The following KCND3 variants were observed in gnomAD, a reference collection of about 807,000 sequenced individuals.
KCND3 encodes potassium voltage-gated channel subfamily D member 3, also known as A-type voltage-gated potassium channel KCND3.
A neutral mutation model predicts 51.1 loss-of-function variants in KCND3; 9 were observed. The ratio of observed to expected loss-of-function variants is 0.18; its 90% confidence interval spans 0.11 to 0.31. The LOEUF is 0.31. Ranked by LOEUF, KCND3 falls within the 10% of genes least tolerant of loss-of-function variation. The pLI is 1.00. For synonymous variants in KCND3, 349 were observed against 368.0 expected, an observed-to-expected ratio of 0.95 and a Z score of 0.59; for missense variants, 526 against 903.8, an observed-to-expected ratio of 0.58 and a Z score of 5.36.
chr1:111,793,023 C>A (rs187392017), intron 2 of KCND3, among the ~76,000 whole-genome samples: 50 of 151,522 alleles, frequency 3.3e-4, no homozygotes, highest in African/African-American at 9.7e-4. Flanking sequence ...GTGGTTGCCA[C>A]CATGCCCAGC....
At chr1:111,947,961 G>C (rs1241258762) in intron 2 of KCND3, among the ~76,000 whole-genome samples, 1 of 152,202 alleles carries the variant, frequency 6.6e-6, no homozygotes, top group African/African-American at 2.4e-5. Flanking sequence ...AGGAGGGTCA[G>C]GTAAGCAGTC....
intron 2 of KCND3, among the ~76,000 whole-genome samples, chr1:111,838,249 G>T (rs1667158500): frequency 6.6e-6 from 1 of 152,118 alleles, no homozygotes; most frequent in Non-Finnish European, 1.5e-5. Flanking sequence ...CTTTATTCAG[G>T]GTAAACCTAT....
At chr1:111,894,385 AC>A (rs1362967167) in intron 2 of KCND3, among the ~76,000 whole-genome samples, 1 of 151,932 alleles carries the variant, frequency 6.6e-6, no homozygotes, top group Non-Finnish European at 1.5e-5. Context: ...TTTCCTCATA[AC>A]CCTGGTTTAA....
Position 111,975,481 on chromosome 1 carries a change from T to G in KCND3, c.1106+6140A>C, listed in dbSNP as rs144490279. Among the ~76,000 whole-genome samples the G allele has an allele frequency of 1.7e-3, 264 of 152,260 alleles. 1 individual carries two copies. The highest frequency in any genetic ancestry group is 6.2e-3 in the African/African-American group (258 of 41,564). On this transcript the variant is annotated intron_variant, in intron 2 of 7. Transcript: ENST00000302127. ...CCTCTACATTCAAATACACGCAGAA[T>G]TGCTTACTTCTCCCATCTCCACTGC...
At chr1:111,816,463 C>T (rs188409504) in intron 2 of KCND3, among the ~76,000 whole-genome samples, 10 of 152,350 alleles carry the variant, frequency 6.6e-5, no homozygotes, top group Admixed American at 6.5e-4. Context: ...AAGAATAAAC[C>T]TGGTTCTTTC....
chr1:111,843,905 A>G (rs1234420033), intron 2 of KCND3, among the ~76,000 whole-genome samples: 1 of 152,136 alleles, frequency 6.6e-6, no homozygotes, highest in Non-Finnish European at 1.5e-5. Flanking sequence ...GGCAGGTTTT[A>G]TGTTCTCTGG....
intron 2 of KCND3, among the ~76,000 whole-genome samples, chr1:111,790,707 AC>A (rs1414779943): frequency 3.3e-5 from 5 of 152,214 alleles, no homozygotes; most frequent in African/African-American, 9.7e-5. Flanking sequence ...AGAAATGTGT[AC>A]CCATTAGCAG....
At chr1:111,977,660 G>T (rs1271101583) in intron 2 of KCND3, among the ~76,000 whole-genome samples, 6 of 152,152 alleles carry the variant, frequency 3.9e-5, no homozygotes, top group Admixed American at 3.3e-4. Flanking sequence ...GGCCTCCCAT[G>T]GTCCTTGCGG....
At chr1:111,806,422 G>A (rs1035175392) in intron 2 of KCND3, among the ~76,000 whole-genome samples, 1 of 152,150 alleles carries the variant, frequency 6.6e-6, no homozygotes. Context: ...TAATGGGAAC[G>A]CTATGGGCTT....
At chr1:111,923,418 T>G (rs1671564252) in intron 2 of KCND3, among the ~76,000 whole-genome samples, 1 of 152,226 alleles carries the variant, frequency 6.6e-6, no homozygotes, top group Non-Finnish European at 1.5e-5. Context: ...CCCTTCTTCC[T>G]GTGCCCCATC....
Position 111,966,449 on chromosome 1 carries a change from CAGA to C in KCND3, c.1106+15169_1106+15171del, listed in dbSNP as rs376242132. Among the ~76,000 whole-genome samples the C allele has an allele frequency of 4.5e-3, 686 of 152,184 alleles. 6 individuals are homozygous for C. Among genetic ancestry groups the C allele is most frequent in the East Asian group, 0.023 (117 of 5,162 alleles). On this transcript the variant is annotated intron_variant, in intron 2 of 7. Coordinates refer to ENST00000302127, the MANE Select transcript of KCND3 (RefSeq NM_001378969.1). ...TCAGTAGGGCTGGGGTGGTAGGAGA[CAGA>C]AGAAGGGGTGAGAGCTCTGCTTACC...
intron 2 of KCND3, among the ~76,000 whole-genome samples, chr1:111,931,285 T>C (rs1671957774): frequency 6.6e-6 from 1 of 152,192 alleles, no homozygotes; most frequent in Non-Finnish European, 1.5e-5. Flanking sequence ...GGGACACTTC[T>C]GATAATACCT....
chr1:111,848,001 C>G (rs1246316998), intron 2 of KCND3, among the ~76,000 whole-genome samples: 4 of 152,226 alleles, frequency 2.6e-5, no homozygotes, highest in Non-Finnish European at 4.4e-5. Flanking sequence ...GGCCACTGTG[C>G]AGTCAAGGCA....
At chr1:111,925,689 C>T (rs1291076658) in intron 2 of KCND3, among the ~76,000 whole-genome samples, 2 of 152,176 alleles carry the variant, frequency 1.3e-5, no homozygotes, top group African/African-American at 2.4e-5. Flanking sequence ...TAGTTATGTA[C>T]TTTCTTCTCT....
chr1:111,902,647 C>T (rs1270960582), intron 2 of KCND3, among the ~76,000 whole-genome samples: 1 of 152,198 alleles, frequency 6.6e-6, no homozygotes, highest in African/African-American at 2.4e-5. Flanking sequence ...CTTTGGATTC[C>T]AATCTGAACT....
chr1:111,865,768 G>C (rs1668531713), intron 2 of KCND3, among the ~76,000 whole-genome samples: 1 of 152,152 alleles, frequency 6.6e-6, no homozygotes, highest in South Asian at 2.1e-4. Flanking sequence ...GCAGTGGTGT[G>C]ATCATGGCTC....
chr1:111,895,589 T>C lies in KCND3; in HGVS notation c.1106+86032A>G, dbSNP rs185532232. The stretch of plus-strand genomic sequence containing the variant: ...CTGCATCCCAGTGATCAGGCCCTGA[T>C]AGCAAACTGGCATGTTCCCTAGATC... On this transcript the variant is annotated intron_variant, in intron 2 of 7. Coordinates refer to ENST00000302127, the MANE Select transcript of KCND3 (RefSeq NM_001378969.1). Among the ~76,000 whole-genome samples the C allele has an allele frequency of 6.4e-3, 970 of 152,350 alleles. 12 individuals are homozygous for C. Among genetic ancestry groups the C allele is most frequent in the African/African-American group, 0.022 (917 of 41,576 alleles).
At chr1:111,815,702 T>C (rs1488245858) in intron 2 of KCND3, among the ~76,000 whole-genome samples, 1 of 151,974 alleles carries the variant, frequency 6.6e-6, no homozygotes, top group Non-Finnish European at 1.5e-5. Flanking sequence ...AGCCCAGTTC[T>C]ATATTGAAGT....
intron 2 of KCND3, among the ~76,000 whole-genome samples, chr1:111,867,500 C>T (rs372977702): frequency 2.0e-5 from 3 of 152,184 alleles, no homozygotes; most frequent in South Asian, 2.1e-4. Context: ...AAGGGAAACC[C>T]GCCTTAGGAT....
Sources: allele counts gnomAD v4.1 joint callset (sites outside exome capture counted in the v4.1 genomes callset), GRCh38; gene constraint gnomAD v4.1.1; transcripts MANE v1.5; gene names NCBI Gene and HGNC (gene_info 2026-07-23, HGNC 2026-07-21).